CTNNA2: variants seen among roughly 807,000 people sequenced by gnomAD.
The protein encoded by CTNNA2 is catenin alpha-2.
Under a neutral mutation model 101.0 loss-of-function variants are expected in CTNNA2, and 42 were observed. The observed-to-expected ratio is 0.42, with a 90% CI of 0.32 to 0.54. The LOEUF is 0.54. Ranked by LOEUF, CTNNA2 falls within the 20% of genes least tolerant of loss-of-function variation. The pLI, the probability that CTNNA2 is intolerant of heterozygous loss-of-function variation, is 0.14. For missense variants in CTNNA2, 871 were observed against 1,223.1 expected (o/e 0.71, Z 4.29); for synonymous variants, 450 against 456.4 (o/e 0.99, Z 0.18).
At chr2:79,275,052 A>G (rs1558596144) in intron 2 of CTNNA2, among the ~76,000 whole-genome samples, 1 of 152,040 alleles carries the variant, frequency 6.6e-6, no homozygotes, top group South Asian at 2.1e-4. Context: ...CCTCAAGTGG[A>G]AAGAAAGGGG....
intron 7 of CTNNA2, among the ~76,000 whole-genome samples, chr2:80,083,876 T>C (rs1387007032): frequency 6.6e-6 from 1 of 152,138 alleles, no homozygotes; most frequent in Non-Finnish European, 1.5e-5. Flanking sequence ...GTGAGGTATG[T>C]AGGGATGCTA....
chr2:80,526,321 T>G (rs1411569527), intron 9 of CTNNA2, among the ~76,000 whole-genome samples: 2 of 152,168 alleles, frequency 1.3e-5, no homozygotes, highest in Non-Finnish European at 2.9e-5. Flanking sequence ...TGCCTCAGCC[T>G]CCTGAGTAGC....
At chr2:80,464,383 T>C (rs1684689629) in intron 9 of CTNNA2, among the ~76,000 whole-genome samples, 1 of 152,290 alleles carries the variant, frequency 6.6e-6, no homozygotes, top group East Asian at 1.9e-4. Context: ...ATGGACAAAT[T>C]TGAGTTGTGG....
chr2:79,394,360 G>C (rs1265543215), intron 4 of CTNNA2, among the ~76,000 whole-genome samples: 1 of 152,160 alleles, frequency 6.6e-6, no homozygotes, highest in African/African-American at 2.4e-5. Context: ...GGACTAGAAT[G>C]ATAAATAAGA....
rs34285492 is a variant in CTNNA2, at chr2:80,303,718, G to A, written c.1057-89493G>A. 15 of 1,606,854 alleles carry A rather than the reference G, an allele frequency of 9.3e-6. No homozygotes were observed. The highest frequency in any genetic ancestry group is 6.7e-5 in the African/African-American group (5 of 74,894). On this transcript the variant is annotated intron_variant, in intron 7 of 18. Coordinates refer to ENST00000402739, the MANE Select transcript of CTNNA2 (RefSeq NM_001282597.3). This position sits in a 1 kb window ranked among gnomAD's most constrained non-coding sequence, Gnocchi z 7.7. Reference sequence around the variant, plus strand: ...ACAGCTGCGGGCACCCGCTGGGGGCGGCGGGCAGCATCTGAAAGCAGGCCC... The same window carrying A: ...ACAGCTGCGGGCACCCGCTGGGGGCAGCGGGCAGCATCTGAAAGCAGGCCC...
At chr2:80,440,964 G>T (rs1682511383) in intron 9 of CTNNA2, among the ~76,000 whole-genome samples, 1 of 152,160 alleles carries the variant, frequency 6.6e-6, no homozygotes, top group African/African-American at 2.4e-5. Flanking sequence ...CATCCTCTCT[G>T]CAAGACTGAT....
chr2:79,485,667 A>G (rs1671150505), intron 4 of CTNNA2, among the ~76,000 whole-genome samples: 1 of 152,218 alleles, frequency 6.6e-6, no homozygotes, highest in Non-Finnish European at 1.5e-5. Flanking sequence ...TCTACCCAGT[A>G]GCCTTTACTT....
At chr2:80,192,794 C>T (rs1490911052) in intron 7 of CTNNA2, among the ~76,000 whole-genome samples, 1 of 152,092 alleles carries the variant, frequency 6.6e-6, no homozygotes, top group Non-Finnish European at 1.5e-5. Context: ...ATTACAGGCG[C>T]GAGCCACCGC....
chr2:79,311,071 A>C (rs1314979996), intron 2 of CTNNA2, among the ~76,000 whole-genome samples: 1 of 152,232 alleles, frequency 6.6e-6, no homozygotes, highest in African/African-American at 2.4e-5. Context: ...AACAGTAGGA[A>C]GCTCTAGTCA....
At chr2:79,228,175 T>G (rs1010474313) in intron 2 of CTNNA2, among the ~76,000 whole-genome samples, 4 of 152,210 alleles carry the variant, frequency 2.6e-5, no homozygotes, top group Non-Finnish European at 5.9e-5. Flanking sequence ...GGCACTTAGA[T>G]TGTATGTCCT....
At chr2:80,213,851 G>A (rs566824284) in intron 7 of CTNNA2, among the ~76,000 whole-genome samples, 1 of 152,154 alleles carries the variant, frequency 6.6e-6, no homozygotes, top group South Asian at 2.1e-4. Context: ...GGGAGTCTAA[G>A]TCTCTTTGTT....
At chr2:79,558,106 A>T (rs1674555158) in intron 1 of CTNNA2, among the ~76,000 whole-genome samples, 1 of 151,892 alleles carries the variant, frequency 6.6e-6, no homozygotes, top group South Asian at 2.1e-4. Flanking sequence ...TTCTGCATAA[A>T]TTTTTCTAAA....
intron 7 of CTNNA2, among the ~76,000 whole-genome samples, chr2:80,216,888 A>G (rs1180342167): frequency 1.4e-5 from 2 of 144,520 alleles, no homozygotes; most frequent in South Asian, 2.2e-4. Flanking sequence ...CCCAGGCTGT[A>G]GTGCAGTACC....
intron 9 of CTNNA2, among the ~76,000 whole-genome samples, chr2:80,490,164 C>T (rs1383761728): frequency 3.3e-5 from 5 of 151,688 alleles, no homozygotes; most frequent in African/African-American, 1.2e-4. Context: ...ACAAATCATT[C>T]TTATATTTTC....
chr2:79,755,501 C>T (rs1032775363), intron 3 of CTNNA2, among the ~76,000 whole-genome samples: 1 of 152,226 alleles, frequency 6.6e-6, no homozygotes, highest in Middle Eastern at 3.4e-3. Flanking sequence ...AGTGGCTTCT[C>T]CTCCCCTTCC....
At chr2:80,494,969 A>C (rs1366767783) in intron 9 of CTNNA2, among the ~76,000 whole-genome samples, 2 of 152,312 alleles carry the variant, frequency 1.3e-5, no homozygotes, top group Non-Finnish European at 2.9e-5. Context: ...TTTTTGACCA[A>C]AAATATTATC....
chr2:80,416,483 G>A (rs1680059333), intron 8 of CTNNA2, among the ~76,000 whole-genome samples: 1 of 151,950 alleles, frequency 6.6e-6, no homozygotes, highest in Non-Finnish European at 1.5e-5. Flanking sequence ...TGGTTAGCAA[G>A]GACATAGGAA....
At chr2:80,580,140 G>T (rs1039284998) in intron 13 of CTNNA2, among the ~76,000 whole-genome samples, 1 of 152,172 alleles carries the variant, frequency 6.6e-6, no homozygotes, top group Non-Finnish European at 1.5e-5. Context: ...CCTGGAAAAT[G>T]GAGAAAATAA....
intron 7 of CTNNA2, among the ~76,000 whole-genome samples, chr2:80,033,972 TAA>T (rs70940069): frequency 2.1e-4 from 18 of 84,200 alleles, no homozygotes; most frequent in African/African-American, 5.0e-4. Flanking sequence ...GCTTATAATG[TAA>T]AAAAAAAAAA....
Sources: allele counts gnomAD v4.1 joint callset (sites outside exome capture counted in the v4.1 genomes callset), GRCh38; gene constraint gnomAD v4.1.1; non-coding constraint Gnocchi (gnomAD v3.1); transcripts MANE v1.5; gene names NCBI Gene and HGNC (gene_info 2026-07-23, HGNC 2026-07-21).